Variants in LRRC4C observed in about 807,000 individuals in gnomAD.
The protein encoded by LRRC4C is leucine rich repeat containing 4C, also known as leucine-rich repeat-containing protein 4C.
Under a neutral mutation model 33.6 loss-of-function variants are expected in LRRC4C, and 5 were observed. The observed-to-expected ratio is 0.15, with a 90% confidence interval of 0.08 to 0.31. LRRC4C has a LOEUF of 0.31. Among genes scored for constraint, LRRC4C ranks in the 10% least tolerant of loss-of-function variants. The pLI, the probability that LRRC4C is intolerant of heterozygous loss-of-function variation, is 1.00. For missense variants in LRRC4C, 560 were observed against 796.7 expected (o/e 0.70, Z 3.58); for synonymous variants, 329 against 302.0 (o/e 1.09, Z -0.93).
At position 40,458,147 on chromosome 11, in the gene LRRC4C, A is replaced by G. The variant is rs1952221434; in HGVS notation, c.-269-138426T>C. ...GGAATGGACAAGATAAAAAGTTGTA[A>G]ATCATACGGAGAAGATGTTGAATTT... On this transcript the variant is annotated intron_variant, in intron 3 of 6. Coordinates refer to ENST00000528697, the MANE Select transcript of LRRC4C (RefSeq NM_001258419.2). Among the ~76,000 whole-genome samples, 7 of 152,286 alleles carry G rather than the reference A, an allele frequency of 4.6e-5. No homozygotes were observed. In the South Asian group the frequency reaches 1.2e-3, roughly 27 times the overall value.
At chr11:41,056,512 G>T (rs1235363166) in intron 1 of LRRC4C, among the ~76,000 whole-genome samples, 3 of 152,050 alleles carry the variant, frequency 2.0e-5, no homozygotes, top group Admixed American at 1.3e-4. Context: ...TGCAAACTAT[G>T]CATCTGACAA....
intron 3 of LRRC4C, among the ~76,000 whole-genome samples, chr11:40,611,891 A>G (rs1258547162): frequency 6.6e-6 from 1 of 151,568 alleles, no homozygotes; most frequent in African/African-American, 2.4e-5. Context: ...AGAAGTATTG[A>G]TGAGAATGTG....
chr11:40,594,612 T>C (rs1486441426), intron 3 of LRRC4C, among the ~76,000 whole-genome samples: 2 of 152,318 alleles, frequency 1.3e-5, no homozygotes, highest in African/African-American at 4.8e-5. Flanking sequence ...AAGTAACTCC[T>C]ATTTTTTAAA....
chr11:41,214,484 C>A (rs1946951598), intron 1 of LRRC4C, among the ~76,000 whole-genome samples: 1 of 148,280 alleles, frequency 6.7e-6, no homozygotes, highest in Non-Finnish European at 1.5e-5. Context: ...GTAATCCTAG[C>A]ATTTTGGGAG....
chr11:41,013,409 C>T (rs997031384), intron 1 of LRRC4C, among the ~76,000 whole-genome samples: 3 of 152,132 alleles, frequency 2.0e-5, no homozygotes, highest in African/African-American at 7.2e-5. Flanking sequence ...CAATGACTGG[C>T]TTTCTGTTCT....
intron 4 of LRRC4C, among the ~76,000 whole-genome samples, chr11:40,294,306 C>A (rs886608089): frequency 6.6e-6 from 1 of 152,016 alleles, no homozygotes; most frequent in African/African-American, 2.4e-5. Context: ...TAAAAGCAAC[C>A]CCCACGCTGG....
chr11:40,615,212 G>T (rs181366643), intron 3 of LRRC4C, among the ~76,000 whole-genome samples: 1 of 139,276 alleles, frequency 7.2e-6, no homozygotes, highest in African/African-American at 2.8e-5. Flanking sequence ...TACTGTCTAT[G>T]CAATCACTCG....
rs563761350 is a variant in LRRC4C at position 40,877,193 on chromosome 11, G to A, written c.-407+56442C>T. Among the ~76,000 whole-genome samples the A allele has an allele frequency of 1.1e-4, 17 of 152,118 alleles. No individual in the cohort carries two copies. The South Asian group carries it at 3.3e-3, about 30-fold the overall frequency. ...ACAGCGTAGAGGCTCACATTCAGAA[G>A]CGACCTCTTTGACCCAAGTAGTCAA... On this transcript the variant is annotated intron_variant, in intron 2 of 6. Transcript: ENST00000528697.
At chr11:40,661,757 C>T (rs780942872) in intron 2 of LRRC4C, among the ~76,000 whole-genome samples, 1 of 152,124 alleles carries the variant, frequency 6.6e-6, no homozygotes, top group Non-Finnish European at 1.5e-5. Flanking sequence ...TTTTGAATTG[C>T]TACTAACTGC....
intron 3 of LRRC4C, among the ~76,000 whole-genome samples, chr11:40,343,408 T>A (rs916014711): frequency 1.3e-5 from 2 of 152,124 alleles, no homozygotes; most frequent in Non-Finnish European, 2.9e-5. Context: ...GATTGTTTTT[T>A]AGGTAAACTT....
chr11:40,592,163 A>G (rs1959089158), intron 3 of LRRC4C, among the ~76,000 whole-genome samples: 1 of 152,232 alleles, frequency 6.6e-6, no homozygotes, highest in Non-Finnish European at 1.5e-5. Flanking sequence ...GAGAAATTAA[A>G]TAATGACACA....
intron 1 of LRRC4C, among the ~76,000 whole-genome samples, chr11:41,346,001 CTA>C (rs1951792617): frequency 6.6e-6 from 1 of 152,128 alleles, no homozygotes; most frequent in African/African-American, 2.4e-5. Flanking sequence ...GGGTGACAAA[CTA>C]AGTATTCTAA....
intron 3 of LRRC4C, among the ~76,000 whole-genome samples, chr11:40,588,345 C>T (rs185488432): frequency 4.9e-4 from 74 of 152,106 alleles, no homozygotes; most frequent in East Asian, 1.9e-3. Context: ...TTTTTTATTG[C>T]GTCTATTTGA....
intron 2 of LRRC4C, among the ~76,000 whole-genome samples, chr11:40,696,448 AT>A (rs2136446706): frequency 6.7e-6 from 1 of 148,866 alleles, no homozygotes; most frequent in Admixed American, 6.7e-5. Flanking sequence ...ACATATATAT[AT>A]TGCTGAAGGT....
At chr11:40,880,056 G>A (rs1431743789) in intron 2 of LRRC4C, among the ~76,000 whole-genome samples, 3 of 152,008 alleles carry the variant, frequency 2.0e-5, no homozygotes, top group Admixed American at 6.6e-5. Context: ...CTCTTCGGAC[G>A]CTCACATTTG....
intron 1 of LRRC4C, among the ~76,000 whole-genome samples, chr11:41,082,663 G>C (rs1010134566): frequency 6.6e-6 from 1 of 152,092 alleles, no homozygotes; most frequent in African/African-American, 2.4e-5. Flanking sequence ...AGCAATTTAC[G>C]CAGGTCTGTT....
chr11:40,400,438 T>A (rs957672312), intron 3 of LRRC4C, among the ~76,000 whole-genome samples: 5 of 152,188 alleles, frequency 3.3e-5, no homozygotes, highest in African/African-American at 1.2e-4. Flanking sequence ...TGTCTGTGTC[T>A]ATAGCTATAG....
chr11:40,681,361 C>T (rs975140101), intron 2 of LRRC4C, among the ~76,000 whole-genome samples: 1 of 152,162 alleles, frequency 6.6e-6, no homozygotes, highest in African/African-American at 2.4e-5. Flanking sequence ...TGCCCCAATA[C>T]ACAATACACT....
chr11:40,645,619 C>T (rs1942404263), intron 3 of LRRC4C, among the ~76,000 whole-genome samples: 1 of 152,196 alleles, frequency 6.6e-6, no homozygotes, highest in Admixed American at 6.5e-5. Flanking sequence ...CCTAATCGCA[C>T]TCTTTCCTAG....
Sources: allele counts gnomAD v4.1 joint callset (sites outside exome capture counted in the v4.1 genomes callset), GRCh38; gene constraint gnomAD v4.1.1; transcripts MANE v1.5; gene names NCBI Gene and HGNC (gene_info 2026-07-23, HGNC 2026-07-21).